The following UBN2 variants were observed in gnomAD, a reference collection of about 807,000 sequenced individuals.
UBN2 encodes the protein ubinuclein-2.
In UBN2, 35 loss-of-function variants were observed where a neutral mutation model predicts 120.2. The ratio of observed to expected loss-of-function variants is 0.29; its 90% CI spans 0.22 to 0.39. The LOEUF (loss-of-function observed/expected upper bound fraction) is 0.39. Among genes scored for constraint, UBN2 ranks in the 10% least tolerant of loss-of-function variants. The probability of loss-of-function intolerance (pLI) is 1.00; values close to 1 mark genes in which losing one functional copy is unlikely to be tolerated. For synonymous variants in UBN2, 661 were observed against 648.7 expected (o/e 1.02, Z -0.29); for missense variants, 1,693 against 1,663.2 (o/e 1.02, Z -0.31).
intron 3 of UBN2, among the ~76,000 whole-genome samples, chr7:139,253,207 T>C (rs1796666937): frequency 6.6e-6 from 1 of 151,934 alleles, no homozygotes; most frequent in Non-Finnish European, 1.5e-5. Context: ...TTTCTGGTTT[T>C]ATGTGCATAC....
the UBN2 span, among the ~76,000 whole-genome samples, chr7:139,325,354 G>A: frequency 1.4e-5 from 2 of 139,002 alleles, no homozygotes; most frequent in Admixed American, 1.6e-4. Flanking sequence ...TGCAACCTCC[G>A]CCTCCCGGGT....
intron 2 of UBN2, 31 bp from the exon 3 acceptor site, chr7:139,251,925 C>A: frequency 6.3e-7 from 1 of 1,593,138 alleles, no homozygotes; most frequent in South Asian, 1.1e-5. Context: ...GCATGAGTAC[C>A]AAATCAGTCT....
In UBN2 at chr7:139,264,622, A is replaced by G. The variant is rs181139835; in HGVS notation, c.1396-1711A>G. On this transcript the variant is annotated intron_variant, in intron 6 of 17. Coordinates refer to ENST00000473989, the MANE Select transcript of UBN2 (RefSeq NM_173569.4). Reference sequence around the variant, plus strand: ...GAGTCTTGCTCTGTCCCCAGGTTGGAGTGCAGTGGTACAATCTCAGCTCAC... The same window carrying G: ...GAGTCTTGCTCTGTCCCCAGGTTGGGGTGCAGTGGTACAATCTCAGCTCAC... Among the ~76,000 whole-genome samples, 9 of 152,066 alleles carry G rather than the reference A, an allele frequency of 5.9e-5. No homozygotes were observed. The East Asian group carries it at 1.4e-3, about 23-fold the overall frequency.
At chr7:139,244,186 A>G (rs1345213314) in intron 2 of UBN2, among the ~76,000 whole-genome samples, 1 of 152,060 alleles carries the variant, frequency 6.6e-6, no homozygotes, top group Non-Finnish European at 1.5e-5. Flanking sequence ...TTTTTTTGTT[A>G]CTGTTCACTG....
intron 15 of UBN2, 128 bp downstream of exon 15, chr7:139,284,702 C>A: frequency 1.3e-6 from 1 of 786,270 alleles, no homozygotes; most frequent in Non-Finnish European, 2.0e-6. Context: ...CAGCCTGCAG[C>A]CATGGAATGT....
intron 2 of UBN2, among the ~76,000 whole-genome samples, chr7:139,247,158 A>G (rs1475835686): frequency 6.6e-6 from 1 of 151,910 alleles, no homozygotes; most frequent in African/African-American, 2.4e-5. Flanking sequence ...TTTAAAGGAA[A>G]AAAAAAAAAC....
Position 139,276,128 on chromosome 7 carries a change from AATC to A in UBN2, c.2009_2011del (p.His670del). 1 of 1,613,674 alleles carries A rather than the reference AATC, an allele frequency of 6.2e-7. No homozygotes were observed. The highest frequency in any genetic ancestry group is 8.5e-7 in the Non-Finnish European group (1 of 1,179,898). On this transcript the variant is annotated inframe_deletion, in exon 12 of 18. Transcript: ENST00000473989. ...TTTTAAGGAAAGCCGGAGTGTTCATAATCATCTTACTTCTGCTCCGTGAGTAAA... is the reference window on the plus strand; with the variant it reads ...TTTTAAGGAAAGCCGGAGTGTTCATAATCTTACTTCTGCTCCGTGAGTAAA...
Position 139,276,121 on chromosome 7 carries a change from T to C in UBN2, c.1998T>C (p.Ser666=). Residue 666 remains serine, a synonymous_variant, in exon 12 of 18, where the codon AGT becomes AGC. Coordinates refer to ENST00000473989, the MANE Select transcript of UBN2 (RefSeq NM_173569.4). ...QARMLFKESR[S]VHNHLTSAPA... ...GAATGCTTTTTAAGGAAAGCCGGAG[T>C]GTTCATAATCATCTTACTTCTGCTC... The C allele has an allele frequency of 6.2e-7, 1 of 1,613,390 alleles. No homozygotes were observed. Among genetic ancestry groups the C allele is most frequent in the Non-Finnish European group, 8.5e-7 (1 of 1,179,858 alleles).
intron 17 of UBN2, 97 bp from the exon 18 acceptor site, chr7:139,297,690 A>G (rs1217491567): frequency 3.6e-6 from 4 of 1,117,622 alleles, no homozygotes; most frequent in Admixed American, 1.9e-5. Flanking sequence ...GATGTCATCC[A>G]CAAAAGATAA....
chr7:139,289,593 G>A (rs1335854205), intron 15 of UBN2, among the ~76,000 whole-genome samples: 4 of 151,638 alleles, frequency 2.6e-5, no homozygotes, highest in Non-Finnish European at 5.9e-5. Context: ...TGTATTTTTA[G>A]TAGAGACGGT....
the UBN2 span, among the ~76,000 whole-genome samples, chr7:139,322,083 C>G: frequency 1.3e-5 from 2 of 152,042 alleles, no homozygotes; most frequent in East Asian, 1.9e-4. Flanking sequence ...AAGTGATACT[C>G]TTGCCTCAGC....
At chr7:139,251,256 A>G (rs561685365) in intron 2 of UBN2, among the ~76,000 whole-genome samples, 2 of 152,312 alleles carry the variant, frequency 1.3e-5, no homozygotes, top group African/African-American at 4.8e-5. Flanking sequence ...GAGAGTTCCC[A>G]TACAGCCTTC....
At chr7:139,280,842 C>G (rs1344548049) in intron 13 of UBN2, among the ~76,000 whole-genome samples, 2 of 152,182 alleles carry the variant, frequency 1.3e-5, no homozygotes, top group African/African-American at 2.4e-5. Flanking sequence ...GACGGGGTTT[C>G]ACCATGTTGG....
chr7:139,245,826 G>A (rs1209632677), intron 2 of UBN2, among the ~76,000 whole-genome samples: 1 of 152,206 alleles, frequency 6.6e-6, no homozygotes, highest in Admixed American at 6.5e-5. Context: ...AAAGCACAAG[G>A]AACAGTAAGA....
chr7:139,249,699 G>A (rs562708318), intron 2 of UBN2, among the ~76,000 whole-genome samples: 8 of 152,010 alleles, frequency 5.3e-5, no homozygotes, highest in African/African-American at 1.9e-4. Context: ...TTGTTTTCTT[G>A]GTTTTGTTTT....
intron 11 of UBN2, among the ~76,000 whole-genome samples, chr7:139,275,243 A>G (rs1000248070): frequency 1.5e-5 from 2 of 137,820 alleles, no homozygotes; most frequent in African/African-American, 2.8e-5. Flanking sequence ...GCACCATTGC[A>G]CTCCACCTGG....
At chr7:139,248,861 C>T (rs183382966) in intron 2 of UBN2, among the ~76,000 whole-genome samples, 1 of 152,172 alleles carries the variant, frequency 6.6e-6, no homozygotes, top group East Asian at 1.9e-4. Context: ...AATGCTGATT[C>T]TCACCATAAT....
chr7:139,237,116 T>C lies in UBN2; in HGVS notation c.561+19T>C. 1 of 1,562,292 alleles carries C rather than the reference T, an allele frequency of 6.4e-7. No individual in the cohort carries two copies. Among genetic ancestry groups the C allele is most frequent in the Non-Finnish European group, 8.8e-7 (1 of 1,139,152 alleles). Reference sequence around the variant, plus strand: ...GAAATATGTGAGTATAATAAACTGATCACTTAGGTAATTTTATCCTATTGA... The same window carrying C: ...GAAATATGTGAGTATAATAAACTGACCACTTAGGTAATTTTATCCTATTGA... On this transcript the variant is annotated intron_variant, in intron 2 of 17. Transcript: ENST00000473989.
At chr7:139,273,257 G>T (rs1797342638) in intron 9 of UBN2, 40 bp from the exon 10 acceptor site, 1 of 1,398,502 alleles carries the variant, frequency 7.2e-7, no homozygotes, top group Non-Finnish European at 1.0e-6. Flanking sequence ...AGGCAGTGTT[G>T]GGTTAAAAGT....
Sources: allele counts gnomAD v4.1 joint callset (sites outside exome capture counted in the v4.1 genomes callset), GRCh38; gene constraint gnomAD v4.1.1; transcripts MANE v1.5; gene names NCBI Gene and HGNC (gene_info 2026-07-23, HGNC 2026-07-21).